The following ASTN2 variants were observed in gnomAD, a reference collection of about 807,000 sequenced individuals.
ASTN2 encodes astrotactin-2.
A neutral mutation model predicts 139.8 loss-of-function variants in ASTN2; 54 were observed. The ratio of observed to expected loss-of-function variants is 0.39; its 90% CI spans 0.31 to 0.48. The LOEUF (loss-of-function observed/expected upper bound fraction) is 0.48. Ranked by LOEUF, ASTN2 falls within the 20% of genes least tolerant of loss-of-function variation. The pLI is 0.95. For missense variants in ASTN2, 1,565 were observed against 1,725.1 expected (o/e 0.91, Z 1.64); for synonymous variants, 756 against 719.5 (o/e 1.05, Z -0.81).
At chr9:116,469,320 T>C (rs1848742531) in intron 20 of ASTN2, among the ~76,000 whole-genome samples, 1 of 151,740 alleles carries the variant, frequency 6.6e-6, no homozygotes, top group African/African-American at 2.4e-5. Context: ...TTTTTTTCCA[T>C]AGTCCATGAT....
intron 1 of ASTN2, among the ~76,000 whole-genome samples, chr9:117,343,716 C>T (rs1829128354): frequency 6.6e-6 from 1 of 152,132 alleles, no homozygotes; most frequent in African/African-American, 2.4e-5. Context: ...ATATATAGTT[C>T]CAGGATCCCA....
At chr9:116,600,436 T>C (rs1323708197) in intron 19 of ASTN2, among the ~76,000 whole-genome samples, 1 of 152,110 alleles carries the variant, frequency 6.6e-6, no homozygotes, top group East Asian at 1.9e-4. Context: ...TGGCTGTCAT[T>C]ACACTGGCAG....
At position 116,425,422 on chromosome 9, in the gene ASTN2, T is replaced by C; in HGVS notation, c.*429A>G. The C allele has an allele frequency of 1.3e-6, 1 of 744,748 alleles. No homozygotes were observed. Among genetic ancestry groups the C allele is most frequent in the Non-Finnish European group, 2.3e-6 (1 of 439,868 alleles). 46.1% of individuals were successfully genotyped at this position (744,748 alleles called of 1,614,324 possible). A position where few individuals can be genotyped will look rare whatever the true frequency, so the allele number is the denominator to read the frequency against. Reference sequence around the variant, plus strand: ...TTCCTGGTGCTGAAGAGGTCAAAACTGTCTCCTCTAGGGGTCAGGTCAAAA... The same window carrying C: ...TTCCTGGTGCTGAAGAGGTCAAAACCGTCTCCTCTAGGGGTCAGGTCAAAA... On this transcript the variant is annotated 3_prime_UTR_variant, in exon 23 of 23. Coordinates refer to ENST00000313400, the MANE Select transcript of ASTN2 (RefSeq NM_001365068.1).
chr9:117,086,327 C>A (rs1417556104), intron 5 of ASTN2, among the ~76,000 whole-genome samples: 1 of 152,164 alleles, frequency 6.6e-6, no homozygotes, highest in Non-Finnish European at 1.5e-5. Flanking sequence ...GTAATCCCAG[C>A]ACTTTGGGAA....
chr9:116,639,570 G>A (rs1006974206), intron 17 of ASTN2, among the ~76,000 whole-genome samples: 2 of 152,180 alleles, frequency 1.3e-5, no homozygotes, highest in South Asian at 4.1e-4. Flanking sequence ...CCTGTGAACA[G>A]GGTTAAGCTC....
chr9:117,023,363 T>C (rs1201385998), intron 6 of ASTN2, among the ~76,000 whole-genome samples: 1 of 152,170 alleles, frequency 6.6e-6, no homozygotes, highest in African/African-American at 2.4e-5. Flanking sequence ...GACTGTGTTG[T>C]TTCCTCTGCC....
At chr9:117,371,524 A>G (rs956568231) in intron 1 of ASTN2, among the ~76,000 whole-genome samples, 4 of 152,150 alleles carry the variant, frequency 2.6e-5, no homozygotes, top group African/African-American at 4.8e-5. Context: ...ACACAAACTT[A>G]GGAGCTGGAT....
At chr9:117,112,516 G>A (rs973895471) in intron 4 of ASTN2, among the ~76,000 whole-genome samples, 6 of 152,158 alleles carry the variant, frequency 3.9e-5, no homozygotes, top group Middle Eastern at 3.4e-3. Context: ...TCAAAGGAAC[G>A]TCTTTTCAAT....
chr9:116,443,904 A>T (rs531143244), intron 20 of ASTN2, among the ~76,000 whole-genome samples: 6 of 152,294 alleles, frequency 3.9e-5, no homozygotes, highest in African/African-American at 1.4e-4. Context: ...ATAAAATACG[A>T]AAAACACTAT....
chr9:117,253,222 T>G (rs1833586259), intron 2 of ASTN2, among the ~76,000 whole-genome samples: 1 of 152,184 alleles, frequency 6.6e-6, no homozygotes, highest in Admixed American at 6.5e-5. Flanking sequence ...TCTCCACACC[T>G]GGGTCCATTT....
intron 5 of ASTN2, among the ~76,000 whole-genome samples, chr9:117,071,833 C>A (rs1247382243): frequency 1.3e-5 from 2 of 152,132 alleles, no homozygotes; most frequent in African/African-American, 4.8e-5. Flanking sequence ...ACCCCTTGCG[C>A]TTCCCAGGTG....
At chr9:116,913,597 C>G (rs570516637) in intron 10 of ASTN2, among the ~76,000 whole-genome samples, 2 of 152,298 alleles carry the variant, frequency 1.3e-5, no homozygotes, top group South Asian at 4.1e-4. Flanking sequence ...GCAGAAGGAT[C>G]TGAAATGCAA....
chr9:116,655,903 T>G (rs1165374899), intron 16 of ASTN2, among the ~76,000 whole-genome samples: 1 of 152,012 alleles, frequency 6.6e-6, no homozygotes, highest in East Asian at 1.9e-4. Context: ...TGTTTTGTAT[T>G]TTTTGGTAGA....
chr9:116,550,195 AC>A (rs1852280131), intron 19 of ASTN2, among the ~76,000 whole-genome samples: 1 of 152,220 alleles, frequency 6.6e-6, no homozygotes. Flanking sequence ...TGGAAGTTCT[AC>A]GTGACCAGAT....
intron 16 of ASTN2, among the ~76,000 whole-genome samples, chr9:116,716,757 C>T (rs1476674511): frequency 6.6e-6 from 1 of 152,168 alleles, no homozygotes; most frequent in Non-Finnish European, 1.5e-5. Context: ...TTTGACTTTA[C>T]TTTATAATGC....
intron 4 of ASTN2, among the ~76,000 whole-genome samples, chr9:117,116,579 GTTTT>G (rs5900265): frequency 1.4e-5 from 2 of 145,314 alleles, no homozygotes; most frequent in East Asian, 2.0e-4. Context: ...TTCATCAAAA[GTTTT>G]TTTTTTTTTT....
chr9:117,252,532 C>T (rs1480326714), intron 2 of ASTN2, among the ~76,000 whole-genome samples: 2 of 152,168 alleles, frequency 1.3e-5, no homozygotes, highest in Non-Finnish European at 1.5e-5. Context: ...CCACATGGTG[C>T]TAATGGCCCA....
intron 11 of ASTN2, among the ~76,000 whole-genome samples, chr9:116,835,951 T>A (rs1232533079): frequency 6.6e-6 from 1 of 152,130 alleles, no homozygotes; most frequent in East Asian, 1.9e-4. Flanking sequence ...TGCACCCAGA[T>A]AGACCTTCAA....
At chr9:117,303,021 C>T (rs1186596794) in intron 1 of ASTN2, among the ~76,000 whole-genome samples, 2 of 152,164 alleles carry the variant, frequency 1.3e-5, no homozygotes, top group Non-Finnish European at 2.9e-5. Context: ...TGTTACCCAT[C>T]ATTCAAAACC....
Sources: gnomAD v4.1 joint callset for allele counts (sites outside exome capture counted in the v4.1 genomes callset) on GRCh38, gnomAD v4.1.1 for gene constraint, MANE v1.5 for transcripts, NCBI Gene and HGNC (gene_info 2026-07-23, HGNC 2026-07-21) for gene names.